The following ZNF648 variants were observed in gnomAD, a reference collection of about 807,000 sequenced individuals.
ZNF648 encodes the protein zinc finger protein 648.
A neutral mutation model predicts 0.3 loss-of-function variants in ZNF648; 1 was observed. That is an observed-to-expected ratio of 3.90 (90% CI 1.39 to 18.51). The LOEUF (loss-of-function observed/expected upper bound fraction) is 18.51. ZNF648 is among the 30% of genes most tolerant of loss of function. The pLI, the probability that ZNF648 is intolerant of heterozygous loss-of-function variation, is 0.11. For synonymous variants in ZNF648, 376 were observed against 326.8 expected, an observed-to-expected ratio of 1.15 and a Z score of -1.62; for missense variants, 874 against 769.7, an observed-to-expected ratio of 1.14 and a Z score of -1.60.
In ZNF648 at chr1:182,057,050, C is replaced by T. The variant is rs1381312620; in HGVS notation, c.961G>A (p.Asp321Asn). The T allele has an allele frequency of 6.2e-7, 1 of 1,605,858 alleles. No homozygotes were observed. The highest frequency in any genetic ancestry group is 8.5e-7 in the Non-Finnish European group (1 of 1,178,112). Residue 321 changes from aspartate (D) to asparagine (N), a missense_variant, in exon 2 of 2, where the codon GAC becomes AAC. By Grantham distance (23) the Asp-to-Asn change is conservative (BLOSUM62 1). Coordinates refer to ENST00000339948, the MANE Select transcript of ZNF648 (RefSeq NM_001009992.1). ...TGGGTGCGGATGTGCTTCCGGTGGT[C>T]GGAGGACCAGGTGTAGGCCTTGTCG... ...FCDKAYTWSS[D>N]HRKHIRTHTG...
upstream of ZNF648, chr1:182,064,236 A>G (rs1395801833): frequency 6.6e-6 from 1 of 152,220 alleles, no homozygotes; most frequent in African/African-American, 2.4e-5. Context: ...AATTCTGTGA[A>G]GAATGTCAGT....
upstream of ZNF648, among the ~76,000 whole-genome samples, chr1:182,065,584 G>C (rs1221771725): frequency 6.6e-6 from 1 of 152,178 alleles, no homozygotes; most frequent in Non-Finnish European, 1.5e-5. Flanking sequence ...CATCTCACTG[G>C]TATGGGATAG....
intron 1 of ZNF648, among the ~76,000 whole-genome samples, chr1:182,060,101 G>C (rs978856351): frequency 1.3e-5 from 2 of 152,164 alleles, no homozygotes; most frequent in Non-Finnish European, 2.9e-5. Flanking sequence ...GTGTTTTCTG[G>C]GCCAAGGAAC....
upstream of ZNF648, among the ~76,000 whole-genome samples, chr1:182,066,653 G>A (rs1196915362): frequency 6.6e-6 from 1 of 152,180 alleles, no homozygotes; most frequent in African/African-American, 2.4e-5. Flanking sequence ...CTGTTTGTTT[G>A]ATGATCTTGG....
At chr1:182,067,290 C>A in the ZNF648 span, among the ~76,000 whole-genome samples, 3 of 152,102 alleles carry the variant, frequency 2.0e-5, no homozygotes, top group Admixed American at 6.5e-5. Flanking sequence ...ATTTCTACAC[C>A]CTGCATGACT....
chr1:182,066,376 T>C (rs774418771), upstream of ZNF648, among the ~76,000 whole-genome samples: 11 of 152,218 alleles, frequency 7.2e-5, no homozygotes, highest in Non-Finnish European at 1.3e-4. Flanking sequence ...CCAGCTGTCA[T>C]CACAGCAATC....
In ZNF648 at chr1:182,056,766, C is replaced by T; in HGVS notation, c.1245G>A (p.Ser415=). The T allele has an allele frequency of 1.3e-6, 2 of 1,562,956 alleles. No homozygotes were observed. The highest frequency in any genetic ancestry group is 1.7e-6 in the Non-Finnish European group (2 of 1,153,932). ...SRMVEHQRVH[S]GERPFPCPTC... ...TGGGGCAGGGGAAGGGCCGCTCGCCCGAGTGCACGCGCTGGTGCTCCACCA... is the reference window on the plus strand; with the variant it reads ...TGGGGCAGGGGAAGGGCCGCTCGCCTGAGTGCACGCGCTGGTGCTCCACCA... The change falls in exon 2 of 2, where the codon TCG becomes TCA. Residue 415 remains serine, a synonymous_variant. Coordinates refer to ENST00000339948, the MANE Select transcript of ZNF648 (RefSeq NM_001009992.1).
At chr1:182,061,233 A>G (rs937434890) in intron 1 of ZNF648, among the ~76,000 whole-genome samples, 5 of 152,190 alleles carry the variant, frequency 3.3e-5, no homozygotes, top group Non-Finnish European at 7.3e-5. Flanking sequence ...AAAGAGGAAC[A>G]CTGATGCCAT....
upstream of ZNF648, among the ~76,000 whole-genome samples, chr1:182,066,306 G>A (rs1046029568): frequency 6.6e-6 from 1 of 152,216 alleles, no homozygotes; most frequent in East Asian, 1.9e-4. Flanking sequence ...GATGGGTGGA[G>A]TGGAGTGACG....
At chr1:182,061,236 GATGCC>G (rs777314211) in intron 1 of ZNF648, among the ~76,000 whole-genome samples, 1 of 152,196 alleles carries the variant, frequency 6.6e-6, no homozygotes, top group South Asian at 2.1e-4. Flanking sequence ...GAGGAACACT[GATGCC>G]ATGGTATGGC....
intron 1 of ZNF648, among the ~76,000 whole-genome samples, chr1:182,060,302 C>G (rs1666010025): frequency 1.3e-5 from 2 of 152,338 alleles, no homozygotes; most frequent in African/African-American, 4.8e-5. Context: ...CTACCTCTGC[C>G]CACCTTTCAC....
chr1:182,058,821 A>ATT (rs1398066513), intron 1 of ZNF648, among the ~76,000 whole-genome samples: 1 of 151,938 alleles, frequency 6.6e-6, no homozygotes, highest in Non-Finnish European at 1.5e-5. Flanking sequence ...TTTATGTCTC[A>ATT]TTTTTGTTTT....
At position 182,057,194 on chromosome 1, in the gene ZNF648, C is replaced by A; in HGVS notation, c.817G>T (p.Gly273Cys). The change falls in exon 2 of 2, where the codon GGC (glycine) becomes TGC (cysteine). Residue 273 changes from glycine (G) to cysteine (C), a missense_variant. Physicochemically the swap from Gly to Cys is radical, Grantham distance 159 (BLOSUM62 -3). Transcript: ENST00000339948. Reference protein sequence around the residue: ...SKPLSPAETRGGAAKRYACEL... With the variant: ...SKPLSPAETRCGAAKRYACEL... ...CACGCGTAGCGCTTGGCGGCGCCGC[C>A]GCGCGTCTCCGCGGGGCTCAGCGGC... The A allele has an allele frequency of 6.4e-7, 1 of 1,573,524 alleles. No individual in the cohort carries two copies. The highest frequency in any genetic ancestry group is 1.1e-5 in the South Asian group (1 of 88,736).
At position 182,056,129 on chromosome 1, in the gene ZNF648, C is replaced by A. The variant is rs1436853528; in HGVS notation, c.*175G>T. On this transcript the variant is annotated 3_prime_UTR_variant, in exon 2 of 2. Transcript: ENST00000339948. ...TCAGAACCACTGATGTGAAACCACC[C>A]ACCTGGGTGCTCTCTCGGTGGTGAC... is the stretch of plus-strand genomic sequence containing the variant. 2.4e-6 allele frequency: 2 copies of A among 850,602 alleles called. No homozygotes were observed. The highest frequency in any genetic ancestry group is 2.7e-5 in the East Asian group (1 of 37,178). The allele number at this position is 850,602 out of a possible 1,614,324, so 52.7% of individuals were successfully genotyped here.
the ZNF648 span, among the ~76,000 whole-genome samples, chr1:182,066,917 A>G: frequency 2.0e-5 from 3 of 152,148 alleles, no homozygotes; most frequent in Non-Finnish European, 4.4e-5. Context: ...TGCTTCCAGA[A>G]GGGTGCCATT....
rs1490186177 is a variant in ZNF648, at chr1:182,055,581, C to A, written c.*723G>T. Reference sequence around the variant, plus strand: ...GGTTAGATCTACTTACTAAATTCCACTATAAAGAGGAATGGGCTTCTTTTT... The same window carrying A: ...GGTTAGATCTACTTACTAAATTCCAATATAAAGAGGAATGGGCTTCTTTTT... On this transcript the variant is annotated 3_prime_UTR_variant, in exon 2 of 2. Coordinates refer to ENST00000339948, the MANE Select transcript of ZNF648 (RefSeq NM_001009992.1). The surrounding 1 kb of genome is among the most constrained non-coding windows in gnomAD (Gnocchi z 4.1). The A allele has an allele frequency of 6.6e-6, 1 of 152,240 alleles. No homozygotes were observed. Among genetic ancestry groups the A allele is most frequent in the Non-Finnish European group, 1.5e-5 (1 of 68,046 alleles). The allele number at this position is 152,240 out of a possible 1,614,324, so 9.4% of individuals were successfully genotyped here.
intron 1 of ZNF648, among the ~76,000 whole-genome samples, chr1:182,060,630 G>C (rs900850391): frequency 3.3e-5 from 5 of 152,148 alleles, no homozygotes; most frequent in Admixed American, 1.3e-4. Context: ...TAGCTGGCAT[G>C]CCTTTTGACA....
Position 182,056,736 on chromosome 1 carries a change from G to A in ZNF648, c.1275C>T (p.Cys425=). The change falls in exon 2 of 2, where the codon TGC becomes TGT. Residue 425 remains cysteine, a synonymous_variant. Transcript: ENST00000339948. ...TGGAGGACTTGGTGAAGCACTTGCC[G>A]CAGGTGGGGCAGGGGAAGGGCCGCT... The part of the protein sequence containing the change: ...SGERPFPCPT[C]GKCFTKSSNL... The A allele has an allele frequency of 1.3e-6, 2 of 1,577,612 alleles. No individual in the cohort carries two copies. Among genetic ancestry groups the A allele is most frequent in the Non-Finnish European group, 1.7e-6 (2 of 1,161,728 alleles).
chr1:182,058,832 T>C (rs944028540), intron 1 of ZNF648, among the ~76,000 whole-genome samples: 1 of 152,214 alleles, frequency 6.6e-6, no homozygotes, highest in African/African-American at 2.4e-5. Context: ...TTTTTGTTTT[T>C]GTTTTTAATT....
Sources: gnomAD v4.1 joint callset for allele counts (sites outside exome capture counted in the v4.1 genomes callset) on GRCh38, gnomAD v4.1.1 for gene constraint, Gnocchi (gnomAD v3.1) non-coding constraint, MANE v1.5 for transcripts, NCBI Gene and HGNC (gene_info 2026-07-23, HGNC 2026-07-21) for gene names.